Variants in SYNE1 observed in about 807,000 individuals in gnomAD.
SYNE1 encodes the protein spectrin repeat containing nuclear envelope protein 1, also known as nesprin-1.
Under a neutral mutation model 1,111.0 loss-of-function variants are expected in SYNE1, and 616 were observed. That is an observed-to-expected ratio of 0.55 (90% CI 0.52 to 0.59). The LOEUF (loss-of-function observed/expected upper bound fraction) is 0.59. SYNE1 is among the 20% of genes least tolerant of loss of function. SYNE1 has a pLI of 0.00. For missense variants in SYNE1, 10,006 were observed against 10,417.0 expected, an observed-to-expected ratio of 0.96 and a Z score of 1.72; for synonymous variants, 3,855 against 3,825.8, an observed-to-expected ratio of 1.01 and a Z score of -0.28.
Position 152,409,550 on chromosome 6 carries a change from G to T in SYNE1, c.6381+9C>A. Reference sequence around the variant, plus strand: ...CAGAATACCAACATAAACACATTTTGAATTTTACCTTGGAAAAAGCCCATT... The same window carrying T: ...CAGAATACCAACATAAACACATTTTTAATTTTACCTTGGAAAAAGCCCATT... On this transcript the variant is annotated intron_variant, in intron 43 of 145. Coordinates refer to ENST00000367255, the MANE Select transcript of SYNE1 (RefSeq NM_182961.4). 1 of 1,613,034 alleles carries T rather than the reference G, an allele frequency of 6.2e-7. No homozygotes were observed. Among genetic ancestry groups the T allele is most frequent in the Non-Finnish European group, 8.5e-7 (1 of 1,179,880 alleles).
intron 9 of SYNE1, 103 bp from the exon 10 acceptor site, chr6:152,502,845 G>A: frequency 1.1e-6 from 1 of 887,496 alleles, no homozygotes; most frequent in South Asian, 1.4e-5. Context: ...GCTAAACGCA[G>A]AAGGAAAACA....
chr6:152,281,738 T>C (rs2094040313), intron 97 of SYNE1, 69 bp downstream of exon 97: 9 of 1,552,354 alleles, frequency 5.8e-6, no homozygotes, highest in Non-Finnish European at 8.0e-6. Flanking sequence ...CTTTTTATAG[T>C]ATGTTTTCTG....
chr6:152,151,602 A>G lies in SYNE1; in HGVS notation c.24401T>C (p.Ile8134Thr), dbSNP rs774707282. ...LTEMDLQLTN[I>T]EHFSECDVQA... ...AACATCACACTCAGAAAAATGTTCA[A>G]TATTAGTGAGCTGCAGATCCATCTC... Residue 8134 changes from isoleucine (I) to threonine (T), a missense_variant, in exon 135 of 146, where the codon ATT becomes ACT. Transcript: ENST00000367255. 2.5e-6 allele frequency: 4 copies of G among 1,614,186 alleles called. No individual in the cohort carries two copies. Among genetic ancestry groups the G allele is most frequent in the South Asian group, 2.2e-5 (2 of 91,076 alleles).
intron 104 of SYNE1, among the ~76,000 whole-genome samples, chr6:152,249,868 C>T (rs1021459763): frequency 6.6e-6 from 1 of 151,968 alleles, no homozygotes; most frequent in African/African-American, 2.4e-5. Context: ...ATTTAAATGT[C>T]CAAATATATT....
rs57299193 is a variant in SYNE1, at chr6:152,133,604, C to T, written c.25789-116G>A. The T allele has an allele frequency of 8.0e-3, 8,199 of 1,018,936 alleles. 450 individuals are homozygous for T. In the African/African-American group the frequency reaches 0.12, roughly 14 times the overall value. 63.1% of individuals were successfully genotyped at this position (1,018,936 alleles called of 1,614,324 possible). A position where few individuals can be genotyped will look rare whatever the true frequency, so the allele number is the denominator to read the frequency against. On this transcript the variant is annotated intron_variant, in intron 142 of 145. Coordinates refer to ENST00000367255, the MANE Select transcript of SYNE1 (RefSeq NM_182961.4). ...TGGGAAATTATACCTGAGCATCAAA[C>T]GTGGAGCTCACACACTAAAGGATGC...
intron 96 of SYNE1, 98 bp from the exon 97 acceptor site, chr6:152,282,078 A>T: frequency 7.8e-7 from 1 of 1,278,396 alleles, no homozygotes; most frequent in Non-Finnish European, 1.1e-6. Context: ...GCTGTACATA[A>T]GAATCACTGG....
intron 3 of SYNE1, among the ~76,000 whole-genome samples, chr6:152,608,517 A>T (rs1406788221): frequency 6.6e-6 from 1 of 152,228 alleles, no homozygotes; most frequent in Non-Finnish European, 1.5e-5. Flanking sequence ...CACAAGGGAA[A>T]ATGCTTACAA....
chr6:152,136,725 G>C lies in SYNE1; in HGVS notation c.25552C>G (p.Arg8518Gly). The C allele has an allele frequency of 6.2e-7, 1 of 1,614,222 alleles. No individual in the cohort carries two copies. Among genetic ancestry groups the C allele is most frequent in the Non-Finnish European group, 8.5e-7 (1 of 1,180,042 alleles). Reference protein sequence around the residue: ...EFTQADSKESRDLQDRLSQMN... With the variant: ...EFTQADSKESGDLQDRLSQMN... The stretch of plus-strand genomic sequence containing the variant: ...TGCGACAAGCGATCCTGCAGGTCCC[G>C]GCTCTCCTTGCTGTCAGCCTGGGTG... The change falls in exon 141 of 146, where the codon CGG (arginine) becomes GGG (glycine). Residue 8518 changes from arginine (R) to glycine (G), a missense_variant. Physicochemically the swap from Arg to Gly is moderately radical, Grantham distance 125. Around this residue, in one of 7 missense-constraint regions of SYNE1, gnomAD observed 761 missense variants for 795.5 expected, o/e 0.96. Transcript: ENST00000367255.
chr6:152,271,301 G>A (rs548145692), intron 98 of SYNE1, among the ~76,000 whole-genome samples: 22 of 152,158 alleles, frequency 1.4e-4, no homozygotes, highest in South Asian at 4.2e-4. Context: ...TTTGCAAGGC[G>A]GTGTCGGTGC....
chr6:152,189,756 C>A (rs1388103198), intron 127 of SYNE1, among the ~76,000 whole-genome samples: 2 of 152,176 alleles, frequency 1.3e-5, no homozygotes, highest in Non-Finnish European at 2.9e-5. Flanking sequence ...TGCTAATGAT[C>A]ATCTGAGGCC....
chr6:152,238,914 T>C (rs1190272554), intron 108 of SYNE1, among the ~76,000 whole-genome samples: 1 of 151,958 alleles, frequency 6.6e-6, no homozygotes, highest in Non-Finnish European at 1.5e-5. Context: ...TTTTTTTTTT[T>C]TGAGACAGAG....
chr6:152,235,601 T>A (rs2083830765), intron 110 of SYNE1, among the ~76,000 whole-genome samples: 1 of 152,172 alleles, frequency 6.6e-6, no homozygotes, highest in Middle Eastern at 3.2e-3. Flanking sequence ...CCTCAGGGGA[T>A]CTGCCCGCCT....
At chr6:152,309,443 T>C (rs2095482636) in intron 90 of SYNE1, among the ~76,000 whole-genome samples, 1 of 152,074 alleles carries the variant, frequency 6.6e-6, no homozygotes, top group Non-Finnish European at 1.5e-5. Context: ...CAAAAGAAAA[T>C]GGATTTAATG....
chr6:152,228,028 A>C (rs1181654838), intron 115 of SYNE1, among the ~76,000 whole-genome samples: 1 of 152,174 alleles, frequency 6.6e-6, no homozygotes, highest in Admixed American at 6.5e-5. Context: ...AATCACCTAT[A>C]AAAGACTGGG....
intron 130 of SYNE1, among the ~76,000 whole-genome samples, chr6:152,171,002 CCT>C (rs1205024570): frequency 2.6e-5 from 4 of 152,274 alleles, no homozygotes. Flanking sequence ...TTCATTCTCT[CCT>C]GTCTGCCACC....
chr6:152,634,431 G>C (rs78798543), intron 2 of SYNE1, among the ~76,000 whole-genome samples: 2,575 of 152,250 alleles, frequency 0.017, 65 homozygotes, highest in African/African-American at 0.059. Flanking sequence ...TTTTGCTGAA[G>C]AGAGTTCACA....
At chr6:152,332,741 A>G (rs1440631860) in intron 77 of SYNE1, among the ~76,000 whole-genome samples, 2 of 152,352 alleles carry the variant, frequency 1.3e-5, no homozygotes, top group East Asian at 3.9e-4. Flanking sequence ...TTTGCTTATC[A>G]TTAGTAATCT....
At chr6:152,327,038 A>T (rs925243426) in intron 78 of SYNE1, among the ~76,000 whole-genome samples, 3 of 152,182 alleles carry the variant, frequency 2.0e-5, no homozygotes, top group African/African-American at 7.2e-5. Context: ...CATGACTGTA[A>T]TCTCAGCACT....
rs372294791 is a variant in SYNE1 at position 152,565,515 on chromosome 6, C to T, written c.68-25494G>A. On this transcript the variant is annotated intron_variant, in intron 3 of 145. Transcript: ENST00000367255. ...TATTACGTGCTAAGTGTCTGACGAC[C>T]CAATACCCATATATTCAACATTAAA... Among the ~76,000 whole-genome samples, 18 of 152,224 alleles carry T rather than the reference C, an allele frequency of 1.2e-4. No homozygotes were observed. In the East Asian group the frequency reaches 3.3e-3, roughly 28 times the overall value.
Sources: gnomAD v4.1 joint callset for allele counts (sites outside exome capture counted in the v4.1 genomes callset) on GRCh38, gnomAD v4.1.1 for gene constraint, gnomAD v4.1.1 regional missense constraint, MANE v1.5 for transcripts, NCBI Gene and HGNC (gene_info 2026-07-23, HGNC 2026-07-21) for gene names.